ADAM22: variants seen among roughly 807,000 people sequenced by gnomAD.
ADAM22 encodes the protein disintegrin and metalloproteinase domain-containing protein 22.
Under a neutral mutation model 144.6 loss-of-function variants are expected in ADAM22, and 65 were observed. That is an observed-to-expected ratio of 0.45 (90% CI 0.37 to 0.55). The LOEUF is 0.55. ADAM22 is among the 20% of genes least tolerant of loss of function. The pLI, the probability that ADAM22 is intolerant of heterozygous loss-of-function variation, is 0.00. For synonymous variants in ADAM22, 391 were observed against 412.6 expected, an observed-to-expected ratio of 0.95 and a Z score of 0.63; for missense variants, 974 against 1,184.9, an observed-to-expected ratio of 0.82 and a Z score of 2.61.
chr7:87,998,147 T>C (rs550784429), intron 3 of ADAM22, among the ~76,000 whole-genome samples: 23 of 152,142 alleles, frequency 1.5e-4, no homozygotes, highest in Non-Finnish European at 3.2e-4. Context: ...TCCTTTCAGG[T>C]TCCACTGCTT....
intron 3 of ADAM22, among the ~76,000 whole-genome samples, chr7:88,019,079 A>G (rs900846610): frequency 2.1e-4 from 32 of 152,214 alleles, no homozygotes; most frequent in Admixed American, 1.3e-4. Flanking sequence ...CCAAAAAAAA[A>G]AAAGTTTAGC....
chr7:88,070,893 G>A (rs929054451), intron 3 of ADAM22, among the ~76,000 whole-genome samples: 1 of 152,168 alleles, frequency 6.6e-6, no homozygotes, highest in Non-Finnish European at 1.5e-5. Context: ...TAATGAGGGA[G>A]CACAGTAGAG....
rs868198888 is a variant in ADAM22 at position 88,132,586 on chromosome 7, A to G, written c.993-281A>G. 1.0e-4 allele frequency: 26 copies of G among 248,498 alleles called. No homozygotes were observed. In the South Asian group the frequency reaches 1.2e-3, roughly 11 times the overall value. The allele number at this position is 248,498 out of a possible 1,614,324, so 15.4% of individuals were successfully genotyped here. On this transcript the variant is annotated intron_variant, in intron 11 of 31. Transcript: ENST00000413139. ...GTATTTTTGGCAGAAATACCAGAGA[A>G]GTGATTTTGTGTCTGTCTCAGAGTA...
Position 88,125,573 on chromosome 7 carries a change from T to C in ADAM22, c.608-16T>C, listed in dbSNP as rs745309485. ...GACAAATGCACTAAGTTAAATTAAA[T>C]TTAATTTCCTTTTAGAATTTCAGCA... On this transcript the variant is annotated splice_polypyrimidine_tract_variant and intron_variant, in intron 7 of 31. Transcript: ENST00000413139. 5.1e-6 allele frequency: 8 copies of C among 1,572,694 alleles called. No homozygotes were observed. The South Asian group carries it at 8.0e-5, about 16-fold the overall frequency.
At position 87,955,857 on chromosome 7, in the gene ADAM22, G is replaced by C. The variant is rs190665838; in HGVS notation, c.246+20671G>C. Among the ~76,000 whole-genome samples, 157 of 152,320 alleles carry C rather than the reference G, an allele frequency of 1.0e-3. 5 individuals are homozygous for C. The East Asian group carries it at 0.028, about 27-fold the overall frequency. On this transcript the variant is annotated intron_variant, in intron 2 of 31. Coordinates refer to ENST00000413139, the MANE Select transcript of ADAM22 (RefSeq NM_001324418.2). ...TGGGCGCCCCTCCCCCAGCCTCGCTGCTGCCTTGCAGTTTGATCTCAGACT... is the reference window on the plus strand; with the variant it reads ...TGGGCGCCCCTCCCCCAGCCTCGCTCCTGCCTTGCAGTTTGATCTCAGACT...
intron 4 of ADAM22, among the ~76,000 whole-genome samples, chr7:88,106,286 G>A (rs973957127): frequency 6.6e-6 from 1 of 152,136 alleles, no homozygotes; most frequent in African/African-American, 2.4e-5. Flanking sequence ...GGAATTTGGA[G>A]GTGGTTTAAG....
intron 3 of ADAM22, among the ~76,000 whole-genome samples, chr7:87,986,645 A>G (rs945597443): frequency 1.3e-5 from 2 of 152,208 alleles, no homozygotes; most frequent in Non-Finnish European, 2.9e-5. Context: ...CTAGAGTAGC[A>G]TCAGGCTCCT....
chr7:88,119,334 C>T (rs1281680675), intron 7 of ADAM22, among the ~76,000 whole-genome samples: 1 of 152,208 alleles, frequency 6.6e-6, no homozygotes, highest in Non-Finnish European at 1.5e-5. Context: ...CCACCTCTGC[C>T]ATTCCTTTTG....
intron 2 of ADAM22, among the ~76,000 whole-genome samples, chr7:87,959,217 CA>C (rs1221478534): frequency 1.3e-5 from 2 of 152,068 alleles, no homozygotes; most frequent in African/African-American, 4.8e-5. Flanking sequence ...GTGAACTTGG[CA>C]AACACTTAAC....
intron 3 of ADAM22, among the ~76,000 whole-genome samples, chr7:88,031,922 C>T (rs1800364278): frequency 6.6e-6 from 1 of 152,210 alleles, no homozygotes; most frequent in Non-Finnish European, 1.5e-5. Flanking sequence ...CCAAGCCTTC[C>T]AGATGGTGTT....
intron 2 of ADAM22, among the ~76,000 whole-genome samples, chr7:87,966,102 A>G (rs957423393): frequency 6.6e-6 from 1 of 152,228 alleles, no homozygotes; most frequent in Non-Finnish European, 1.5e-5. Flanking sequence ...CAAGATGAAG[A>G]TGAAAGTTTT....
At chr7:88,045,925 TG>T (rs1804572194) in intron 3 of ADAM22, among the ~76,000 whole-genome samples, 4 of 151,420 alleles carry the variant, frequency 2.6e-5, no homozygotes, top group African/African-American at 9.7e-5. Context: ...TGTGTGTGTG[TG>T]TGTGTGTATG....
intron 4 of ADAM22, among the ~76,000 whole-genome samples, chr7:88,100,885 A>G (rs1414926249): frequency 2.0e-5 from 3 of 151,936 alleles, no homozygotes; most frequent in Non-Finnish European, 4.4e-5. Context: ...TGTTGATGCC[A>G]GTCGAGAGGG....
rs187464598 is a variant in ADAM22, at chr7:88,045,382, T to A, written c.324-30244T>A. ...CTTTCTATGTCTTGCAGTTAGGTTATTTTTTTTTTCTTGTTGCTTTCCCAC... is the reference window on the plus strand; with the variant it reads ...CTTTCTATGTCTTGCAGTTAGGTTAATTTTTTTTTCTTGTTGCTTTCCCAC... On this transcript the variant is annotated intron_variant, in intron 3 of 31. Transcript: ENST00000413139. Among the ~76,000 whole-genome samples, 22 of 150,392 alleles carry A rather than the reference T, an allele frequency of 1.5e-4. No homozygotes were observed. In the East Asian group the frequency reaches 3.9e-3, roughly 27 times the overall value.
chr7:88,118,255 A>C (rs1053685948), intron 7 of ADAM22, among the ~76,000 whole-genome samples: 3 of 152,236 alleles, frequency 2.0e-5, no homozygotes, highest in Non-Finnish European at 4.4e-5. Context: ...AATGTTTCCT[A>C]ATGTTCCTTT....
intron 4 of ADAM22, among the ~76,000 whole-genome samples, chr7:88,078,512 G>C (rs571635740): frequency 6.6e-6 from 1 of 152,384 alleles, no homozygotes; most frequent in African/African-American, 2.4e-5. Flanking sequence ...ACTTTGACGA[G>C]TTGAGAGAAG....
intron 3 of ADAM22, among the ~76,000 whole-genome samples, chr7:88,029,924 G>T (rs1180262292): frequency 1.3e-5 from 2 of 151,696 alleles, no homozygotes; most frequent in Non-Finnish European, 2.9e-5. Context: ...TTGGGAGTCT[G>T]ATTATTAAAA....
At chr7:87,949,352 T>C (rs561388346) in intron 2 of ADAM22, among the ~76,000 whole-genome samples, 1 of 152,336 alleles carries the variant, frequency 6.6e-6, no homozygotes, top group East Asian at 1.9e-4. Flanking sequence ...TGGACAATGA[T>C]TGGCATACTG....
chr7:87,971,658 AT>A (rs1177718735), intron 2 of ADAM22, among the ~76,000 whole-genome samples: 2 of 152,192 alleles, frequency 1.3e-5, no homozygotes, highest in Non-Finnish European at 2.9e-5. Flanking sequence ...GTTAATAAAT[AT>A]TGGAATTTTT....
Sources: allele counts gnomAD v4.1 joint callset (sites outside exome capture counted in the v4.1 genomes callset), GRCh38; gene constraint gnomAD v4.1.1; transcripts MANE v1.5; gene names NCBI Gene and HGNC (gene_info 2026-07-23, HGNC 2026-07-21).